Variants in RHOD observed in about 807,000 individuals in gnomAD.
The protein encoded by RHOD is rho-related GTP-binding protein RhoD.
Under a neutral mutation model 16.7 loss-of-function variants are expected in RHOD, and 11 were observed. That is an observed-to-expected ratio of 0.66 (90% CI 0.41 to 1.09). RHOD has a LOEUF of 1.09. RHOD is among the 50% of genes least tolerant of loss of function. RHOD has a pLI of 0.00. For synonymous variants in RHOD, 124 were observed against 126.3 expected (o/e 0.98, Z 0.12); for missense variants, 271 against 291.7 (o/e 0.93, Z 0.52).
At chr11:67,068,697 C>T (rs1249524262) in intron 3 of RHOD, among the ~76,000 whole-genome samples, 1 of 152,076 alleles carries the variant, frequency 6.6e-6, no homozygotes, top group African/African-American at 2.4e-5. Flanking sequence ...AACCCAGCTA[C>T]TTGGGAGGCT....
At chr11:67,061,727 C>A (rs771190318) in intron 1 of RHOD, among the ~76,000 whole-genome samples, 2 of 120,900 alleles carry the variant, frequency 1.7e-5, no homozygotes, top group African/African-American at 6.8e-5. Context: ...GGCGACAGAG[C>A]GAGACCCTCT....
At chr11:67,069,971 G>A (rs1044663791) in intron 3 of RHOD, among the ~76,000 whole-genome samples, 2 of 152,202 alleles carry the variant, frequency 1.3e-5, no homozygotes. Flanking sequence ...GATTACAGGC[G>A]TGAGCCACCA....
intron 3 of RHOD, among the ~76,000 whole-genome samples, chr11:67,069,093 G>A (rs973015237): frequency 2.0e-5 from 3 of 151,488 alleles, no homozygotes; most frequent in Admixed American, 6.6e-5. Context: ...TCAGCCTCCC[G>A]AGTAGCTAGG....
chr11:67,065,831 C>T (rs1465793327), intron 1 of RHOD, 65 bp from the exon 2 acceptor site: 4 of 1,089,620 alleles, frequency 3.7e-6, no homozygotes, highest in African/African-American at 3.1e-5. Context: ...GCGCTGTGGA[C>T]AGACCAAGTC....
intron 1 of RHOD, among the ~76,000 whole-genome samples, chr11:67,057,622 C>T (rs1485654957): frequency 6.6e-5 from 10 of 152,250 alleles, no homozygotes; most frequent in Non-Finnish European, 1.5e-4. Flanking sequence ...ATGCCATGGG[C>T]TCTGCCTTGG....
Position 67,071,782 on chromosome 11 carries a change from C to T in RHOD, c.*180C>T. 3 of 629,462 alleles carry T rather than the reference C, an allele frequency of 4.8e-6. No homozygotes were observed. Among genetic ancestry groups the T allele is most frequent in the Non-Finnish European group, 5.4e-6 (2 of 372,698 alleles). 39.0% of individuals were successfully genotyped at this position (629,462 alleles called of 1,614,324 possible). A position where few individuals can be genotyped will look rare whatever the true frequency, so the allele number is the denominator to read the frequency against. On this transcript the variant is annotated 3_prime_UTR_variant, in exon 5 of 5. Transcript: ENST00000308831. ...GACTGAGAAAGGGGGTTCCTGGGCC[C>T]ACCTGCTCTGTGTAGGGCTCGTCCT...
chr11:67,059,624 G>T (rs1854861965), intron 1 of RHOD, among the ~76,000 whole-genome samples: 1 of 151,978 alleles, frequency 6.6e-6, no homozygotes, highest in Non-Finnish European at 1.5e-5. Context: ...GAGTTGGAAA[G>T]GCTTCATTTT....
intron 4 of RHOD, 50 bp from the exon 5 acceptor site, chr11:67,071,385 G>A: frequency 6.6e-7 from 1 of 1,514,630 alleles, no homozygotes; most frequent in Non-Finnish European, 8.8e-7. Context: ...GAGAACGTGA[G>A]GCCTGCCCAG....
At chr11:67,066,868 A>G (rs1221083211) in intron 3 of RHOD, 21 bp downstream of exon 3, 1 of 1,506,578 alleles carries the variant, frequency 6.6e-7, no homozygotes, top group Non-Finnish European at 9.2e-7. Flanking sequence ...GGGGGCAGGG[A>G]GGCATAGCCC....
In RHOD at chr11:67,057,928, G is replaced by A. The variant is rs367993645; in HGVS notation, c.132+894G>A. On this transcript the variant is annotated intron_variant, in intron 1 of 4. Transcript: ENST00000308831. ...ACTCCACGGGCACCAGGCGGCCCCT[G>A]CTCTGCCGCCTCTCAGCCCTGTTGT... 2.6e-5 allele frequency among the ~76,000 whole-genome samples: 4 copies of A among 152,350 alleles called. No homozygotes were observed. The East Asian group carries it at 5.8e-4, about 22-fold the overall frequency.
At chr11:67,070,311 G>A in intron 3 of RHOD, 114 bp from the exon 4 acceptor site, 1 of 1,130,694 alleles carries the variant, frequency 8.8e-7, no homozygotes. Flanking sequence ...TGCTGGCTTT[G>A]CTGATTATCC....
Position 67,070,428 on chromosome 11 carries a change from T to C in RHOD, c.334T>C (p.Tyr112His). Reference sequence around the variant, plus strand: ...ATGCCCCCTCGCCCCCCTGCAGTGGTACCCAGAAGTGAATCATTTCTGCAA... The same window carrying C: ...ATGCCCCCTCGCCCCCCTGCAGTGGCACCCAGAAGTGAATCATTTCTGCAA... Reference protein sequence around the residue: ...NSFDNIFNRWYPEVNHFCKKV... With the variant: ...NSFDNIFNRWHPEVNHFCKKV... Residue 112 changes from tyrosine (Y) to histidine (H), a missense_variant, in exon 4 of 5, where the codon TAC becomes CAC. Transcript: ENST00000308831. 6.2e-7 allele frequency: 1 copy of C among 1,613,312 alleles called. No homozygotes were observed. The highest frequency in any genetic ancestry group is 8.5e-7 in the Non-Finnish European group (1 of 1,179,648).
chr11:67,063,490 CT>C (rs1233216193), intron 1 of RHOD, among the ~76,000 whole-genome samples: 9,285 of 125,062 alleles, frequency 0.074, 431 homozygotes, highest in African/African-American at 0.11. Context: ...GAGACCCTAT[CT>C]TTTTTTTTTT....
chr11:67,057,054 G>A lies in RHOD; in HGVS notation c.132+20G>A, dbSNP rs369064927. The stretch of plus-strand genomic sequence containing the variant: ...CCCGAGGTGAGTGCCCCGCGCCTCC[G>A]CCTCGCCCGGTTCCGCTCGCGCGCC... On this transcript the variant is annotated intron_variant, in intron 1 of 4. Coordinates refer to ENST00000308831, the MANE Select transcript of RHOD (RefSeq NM_014578.4). 3.4e-5 allele frequency: 48 copies of A among 1,426,678 alleles called. No homozygotes were observed. Among genetic ancestry groups the A allele is most frequent in the Non-Finnish European group, 4.1e-5 (45 of 1,100,466 alleles). 88.4% of individuals were successfully genotyped at this position (1,426,678 alleles called of 1,614,324 possible). A position where few individuals can be genotyped will look rare whatever the true frequency, so the allele number is the denominator to read the frequency against.
intron 3 of RHOD, among the ~76,000 whole-genome samples, 167 bp downstream of exon 3, chr11:67,067,014 G>T (rs983309384): frequency 2.0e-5 from 3 of 152,228 alleles, no homozygotes; most frequent in Non-Finnish European, 2.9e-5. Context: ...TGGGGCAGTG[G>T]CTTGCCCAGG....
At chr11:67,062,187 C>G (rs968796638) in intron 1 of RHOD, among the ~76,000 whole-genome samples, 2 of 152,160 alleles carry the variant, frequency 1.3e-5, no homozygotes, top group African/African-American at 4.8e-5. Context: ...GTGGACACTG[C>G]CCCTGGCCAC....
At chr11:67,069,067 A>G (rs1260089685) in intron 3 of RHOD, among the ~76,000 whole-genome samples, 1 of 151,522 alleles carries the variant, frequency 6.6e-6, no homozygotes, top group Non-Finnish European at 1.5e-5. Flanking sequence ...TCCTGGGTTC[A>G]AGCGATTCTC....
Position 67,069,106 on chromosome 11 carries a change from T to TGCA in RHOD, c.331-1317_331-1315dup, listed in dbSNP as rs1218459788. On this transcript the variant is annotated intron_variant, in intron 3 of 4. Coordinates refer to ENST00000308831, the MANE Select transcript of RHOD (RefSeq NM_014578.4). ...CCTCAGCCTCCCGAGTAGCTAGGAT[T>TGCA]GCAGGCTTGAGCCACCAAGCCCGGC... Among the ~76,000 whole-genome samples the TGCA allele has an allele frequency of 3.3e-5, 5 of 151,068 alleles. No homozygotes were observed. In the East Asian group the frequency reaches 7.9e-4, roughly 24 times the overall value.
At chr11:67,066,416 T>C (rs1854959855) in intron 2 of RHOD, among the ~76,000 whole-genome samples, 1 of 152,236 alleles carries the variant, frequency 6.6e-6, no homozygotes, top group Non-Finnish European at 1.5e-5. Flanking sequence ...GGTTCCCACC[T>C]ACCCCTTATT....
Sources: gnomAD v4.1 joint callset for allele counts (sites outside exome capture counted in the v4.1 genomes callset) on GRCh38, gnomAD v4.1.1 for gene constraint, MANE v1.5 for transcripts, NCBI Gene and HGNC (gene_info 2026-07-23, HGNC 2026-07-21) for gene names.